Variants in EZH2 observed in about 807,000 individuals in gnomAD.
The protein encoded by EZH2 is enhancer of zeste 2 polycomb repressive complex 2 subunit, also known as histone-lysine N-methyltransferase EZH2.
Under a neutral mutation model 98.4 loss-of-function variants are expected in EZH2, and 18 were observed. The observed-to-expected ratio is 0.18, with a 90% CI of 0.13 to 0.27. EZH2 has a LOEUF of 0.27. EZH2 is among the 10% of genes least tolerant of loss of function. EZH2 has a pLI of 1.00. For synonymous variants in EZH2, 338 were observed against 312.3 expected (o/e 1.08, Z -0.87); for missense variants, 470 against 935.1 (o/e 0.50, Z 6.49).
intron 3 of EZH2, among the ~76,000 whole-genome samples, chr7:148,834,360 C>CATATATATATATATATAT (rs1482644901): frequency 1.6e-5 from 2 of 126,168 alleles, no homozygotes; most frequent in African/African-American, 6.1e-5. Context: ...TATACACACA[C>CATATATATATATATATAT]ACACACACAC....
At chr7:148,856,870 GAT>G (rs1407175103) in intron 1 of EZH2, among the ~76,000 whole-genome samples, 1 of 152,200 alleles carries the variant, frequency 6.6e-6, no homozygotes, top group Non-Finnish European at 1.5e-5. Flanking sequence ...AATTCCAACT[GAT>G]ACATGAGTGT....
chr7:148,841,896 C>G lies in EZH2; in HGVS notation c.246+4574G>C, dbSNP rs1308490433. Among the ~76,000 whole-genome samples, 2 of 151,966 alleles carry G rather than the reference C, an allele frequency of 1.3e-5. 1 individual carries two copies. The highest frequency in any genetic ancestry group is 2.9e-5 in the Non-Finnish European group (2 of 67,950). On this transcript the variant is annotated intron_variant, in intron 3 of 19. Coordinates refer to ENST00000320356, the MANE Select transcript of EZH2 (RefSeq NM_004456.5). ...ATTATTTTGATAGAAGCTTCTCCCC[C>G]CAAAAAAATCTGCTAATATCAAATG...
intron 9 of EZH2, 141 bp downstream of exon 9, chr7:148,819,455 C>G: frequency 1.5e-6 from 1 of 647,672 alleles, no homozygotes; most frequent in Non-Finnish European, 2.7e-6. Context: ...ATGGAAGAAA[C>G]AGCATGGGTG....
chr7:148,857,086 T>C (rs1366755258), intron 1 of EZH2, among the ~76,000 whole-genome samples: 1 of 152,248 alleles, frequency 6.6e-6, no homozygotes. Flanking sequence ...GGATTTCACC[T>C]CTGTGGTATC....
chr7:148,813,894 T>A, intron 15 of EZH2, 65 bp downstream of exon 15: 1 of 1,515,104 alleles, frequency 6.6e-7, no homozygotes, highest in Non-Finnish European at 9.0e-7. Context: ...TCTAAGGCAA[T>A]CCTGACATTT....
At chr7:148,822,652 TA>T (rs1806484417) in intron 8 of EZH2, among the ~76,000 whole-genome samples, 1 of 151,604 alleles carries the variant, frequency 6.6e-6, no homozygotes, top group Non-Finnish European at 1.5e-5. Context: ...AGACCAAGAA[TA>T]AAAATAGGCC....
intron 1 of EZH2, among the ~76,000 whole-genome samples, chr7:148,864,743 A>G (rs1275718806): frequency 6.6e-6 from 1 of 152,156 alleles, no homozygotes; most frequent in Non-Finnish European, 1.5e-5. Context: ...TGAAAACTAT[A>G]CTAAATCGAT....
chr7:148,849,601 G>A (rs542664232), intron 1 of EZH2, among the ~76,000 whole-genome samples: 13 of 152,232 alleles, frequency 8.5e-5, no homozygotes, highest in Admixed American at 7.2e-4. Flanking sequence ...ACAGTCACTC[G>A]GATTAAGCAG....
At chr7:148,807,760 T>G (rs1801856055) in intron 19 of EZH2, 54 bp from the exon 20 acceptor site, 10 of 1,019,814 alleles carry the variant, frequency 9.8e-6, no homozygotes, top group Non-Finnish European at 1.3e-5. Context: ...CAACATGTGC[T>G]GAGACTTAAC....
intron 8 of EZH2, among the ~76,000 whole-genome samples, chr7:148,822,669 C>T (rs1806494009): frequency 6.6e-6 from 1 of 152,080 alleles, no homozygotes; most frequent in South Asian, 2.1e-4. Context: ...AGGCCAGGCG[C>T]AGTGGCTCAC....
chr7:148,820,619 A>G (rs1805775270), intron 8 of EZH2, among the ~76,000 whole-genome samples: 2 of 152,094 alleles, frequency 1.3e-5, no homozygotes, highest in Admixed American at 1.3e-4. Flanking sequence ...TTCTGTTGGA[A>G]GCGTGTGAGC....
At chr7:148,807,825 A>C (rs997115048) in intron 19 of EZH2, 119 bp from the exon 20 acceptor site, 17 of 668,838 alleles carry the variant, frequency 2.5e-5, no homozygotes, top group African/African-American at 1.1e-4. Flanking sequence ...AAAAAAAAAA[A>C]AAAAAAAAAA....
At chr7:148,815,783 A>C (rs1804387204) in intron 12 of EZH2, among the ~76,000 whole-genome samples, 1 of 152,232 alleles carries the variant, frequency 6.6e-6, no homozygotes, top group Non-Finnish European at 1.5e-5. Flanking sequence ...ACTCCTGGTC[A>C]GAACTCCTGA....
intron 1 of EZH2, among the ~76,000 whole-genome samples, chr7:148,859,653 C>A (rs910569516): frequency 3.3e-5 from 5 of 152,162 alleles, no homozygotes; most frequent in African/African-American, 1.2e-4. Context: ...TACTCAGAGC[C>A]CCAGCTGTGT....
intron 16 of EZH2, 52 bp downstream of exon 16, chr7:148,811,573 A>T (rs2129468955): frequency 7.2e-7 from 1 of 1,389,400 alleles, no homozygotes; most frequent in Non-Finnish European, 1.0e-6. Context: ...TCTAAAATAA[A>T]GTAAAGTTAG....
At chr7:148,809,187 T>G in intron 18 of EZH2, 32 bp from the exon 19 acceptor site, 1 of 1,606,882 alleles carries the variant, frequency 6.2e-7, no homozygotes, top group Non-Finnish European at 8.5e-7. Context: ...TCAGTGAGCA[T>G]GAAGACGGGC....
rs764997925 is a variant in EZH2, at chr7:148,817,369, T to C, written c.1263A>G (p.Thr421=). ...SSSEANSRCQ[T]PIKMKPNIEP... Reference sequence around the variant, plus strand: ...CAATATTTGGCTTCATCTTTATTGGTGTTTGACACCGAGAATTTGCTTCTA... The same window carrying C: ...CAATATTTGGCTTCATCTTTATTGGCGTTTGACACCGAGAATTTGCTTCTA... The change falls in exon 11 of 20, where the codon ACA becomes ACG. Residue 421 remains threonine (T), a synonymous_variant. Transcript: ENST00000320356. 1 of 1,613,082 alleles carries C rather than the reference T, an allele frequency of 6.2e-7. No homozygotes were observed. The highest frequency in any genetic ancestry group is 1.1e-5 in the South Asian group (1 of 90,838).
chr7:148,828,980 C>G, intron 5 of EZH2, 100 bp from the exon 6 acceptor site: 3 of 1,160,882 alleles, frequency 2.6e-6, no homozygotes, highest in Non-Finnish European at 2.4e-6. Flanking sequence ...AGCCTAGTAA[C>G]TGGCACTAAA....
intron 8 of EZH2, among the ~76,000 whole-genome samples, 176 bp downstream of exon 8, chr7:148,826,278 A>G (rs1807676331): frequency 1.3e-5 from 2 of 152,226 alleles, no homozygotes; most frequent in African/African-American, 4.8e-5. Flanking sequence ...AATACATGCA[A>G]AAGATTTCAG....
Sources: gnomAD v4.1 joint callset for allele counts (sites outside exome capture counted in the v4.1 genomes callset) on GRCh38, gnomAD v4.1.1 for gene constraint, MANE v1.5 for transcripts, NCBI Gene and HGNC (gene_info 2026-07-23, HGNC 2026-07-21) for gene names.